TMEM178B: variants seen among roughly 807,000 people sequenced by gnomAD.
The protein encoded by TMEM178B is transmembrane protein 178B.
TMEM178B carries 5 observed loss-of-function variants against 31.0 expected under a neutral mutation model. That is an observed-to-expected ratio of 0.16 (90% confidence interval 0.08 to 0.34). TMEM178B has a LOEUF of 0.34. TMEM178B is among the 10% of genes least tolerant of loss of function. TMEM178B has a pLI of 1.00. For missense variants in TMEM178B, 275 were observed against 400.3 expected, an observed-to-expected ratio of 0.69 and a Z score of 2.67; for synonymous variants, 164 against 164.0, an observed-to-expected ratio of 1.00 and a Z score of 0.00.
chr7:141,413,576 A>C (rs1477217526), intron 2 of TMEM178B, among the ~76,000 whole-genome samples: 4 of 152,206 alleles, frequency 2.6e-5, no homozygotes, highest in African/African-American at 9.6e-5. Context: ...TTTTCCTCTA[A>C]GTCAAGTCTT....
At chr7:141,083,758 T>C (rs1240921644) in intron 1 of TMEM178B, among the ~76,000 whole-genome samples, 1 of 152,114 alleles carries the variant, frequency 6.6e-6, no homozygotes, top group South Asian at 2.1e-4. Context: ...ACTTTAAAAG[T>C]GGTTAAAATG....
chr7:141,445,989 C>T (rs898866456), intron 3 of TMEM178B, among the ~76,000 whole-genome samples: 1 of 152,142 alleles, frequency 6.6e-6, no homozygotes, highest in African/African-American at 2.4e-5. Flanking sequence ...GTGCAGATTT[C>T]AATATTTATT....
At chr7:141,233,190 C>A (rs1797474610) in intron 2 of TMEM178B, among the ~76,000 whole-genome samples, 1 of 152,248 alleles carries the variant, frequency 6.6e-6, no homozygotes, top group Admixed American at 6.5e-5. Context: ...TTATTCACTG[C>A]TGTGCTTGTC....
chr7:141,510,706 A>AAAAAAAAAAG, the TMEM178B span, among the ~76,000 whole-genome samples: 1 of 139,634 alleles, frequency 7.2e-6, no homozygotes, highest in Non-Finnish European at 1.5e-5. Flanking sequence ...AAAAAAAAAA[A>AAAAAAAAAAG]AAAAAAGAAA....
intron 1 of TMEM178B, among the ~76,000 whole-genome samples, chr7:141,089,554 T>A (rs1003072528): frequency 4.6e-5 from 7 of 152,192 alleles, no homozygotes; most frequent in African/African-American, 1.4e-4. Context: ...TAAAGACACA[T>A]GCACACATAT....
chr7:141,225,630 A>G (rs527792978), intron 2 of TMEM178B, among the ~76,000 whole-genome samples: 1 of 152,248 alleles, frequency 6.6e-6, no homozygotes, highest in African/African-American at 2.4e-5. Flanking sequence ...GGAGACTTAC[A>G]TCTTTCTATT....
At chr7:141,440,766 C>T (rs1390673767) in intron 3 of TMEM178B, among the ~76,000 whole-genome samples, 2 of 152,216 alleles carry the variant, frequency 1.3e-5, no homozygotes, top group African/African-American at 4.8e-5. Flanking sequence ...TAAAAGCTGC[C>T]TCTTGCTGAC....
chr7:141,221,393 G>A (rs1031276603), intron 2 of TMEM178B, among the ~76,000 whole-genome samples: 3 of 150,648 alleles, frequency 2.0e-5, no homozygotes, highest in South Asian at 4.2e-4. Context: ...TCTGGGTTAG[G>A]TAAGACATGG....
rs150939461 is a variant in TMEM178B at position 141,178,386 on chromosome 7, G to A, written c.383-34205G>A. 1.9e-3 allele frequency among the ~76,000 whole-genome samples: 286 copies of A among 152,290 alleles called. 2 individuals are homozygous for A. The highest frequency in any genetic ancestry group is 6.6e-3 in the East Asian group (34 of 5,186). On this transcript the variant is annotated intron_variant, in intron 1 of 3. Coordinates refer to ENST00000565468, the MANE Select transcript of TMEM178B (RefSeq NM_001195278.2). ...GAAATTATGCATCTGGGAAGACATA[G>A]AAGCGTTTTAGCACTATCCACTTTA...
intron 2 of TMEM178B, among the ~76,000 whole-genome samples, chr7:141,357,675 A>G (rs561873244): frequency 2.0e-4 from 31 of 152,350 alleles, no homozygotes; most frequent in African/African-American, 7.5e-4. Flanking sequence ...ATTTATATGC[A>G]TCACTACTTC....
the TMEM178B span, among the ~76,000 whole-genome samples, chr7:141,508,303 C>T: frequency 1.3e-5 from 2 of 152,196 alleles, no homozygotes; most frequent in African/African-American, 4.8e-5. Flanking sequence ...CAAGAAGTTC[C>T]TCACTCCATC....
chr7:141,239,151 G>A (rs1178610177), intron 2 of TMEM178B, among the ~76,000 whole-genome samples: 2 of 152,184 alleles, frequency 1.3e-5, no homozygotes, highest in African/African-American at 2.4e-5. Context: ...CTGTGCATGT[G>A]CATGTGTGGG....
chr7:141,150,175 T>C (rs1384613330), intron 1 of TMEM178B, among the ~76,000 whole-genome samples: 2 of 151,984 alleles, frequency 1.3e-5, no homozygotes, highest in East Asian at 3.9e-4. Flanking sequence ...AATTTGAGGG[T>C]CATTAGCATA....
At chr7:141,507,126 C>T in the TMEM178B span, among the ~76,000 whole-genome samples, 2 of 152,162 alleles carry the variant, frequency 1.3e-5, no homozygotes, top group Non-Finnish European at 2.9e-5. Context: ...GTGTCTGCAG[C>T]TTTTCTAGGT....
At chr7:141,226,035 C>T (rs1441090245) in intron 2 of TMEM178B, among the ~76,000 whole-genome samples, 1 of 152,144 alleles carries the variant, frequency 6.6e-6, no homozygotes, top group East Asian at 1.9e-4. Context: ...CTTCCGAAAC[C>T]ACGAGGCTGC....
At chr7:141,397,372 A>T (rs1009464436) in intron 2 of TMEM178B, among the ~76,000 whole-genome samples, 12 of 152,168 alleles carry the variant, frequency 7.9e-5, no homozygotes, top group African/African-American at 2.9e-4. Context: ...CTGTTGGCAA[A>T]TCAGGTCAGG....
chr7:141,420,199 C>T (rs982788425), intron 2 of TMEM178B, among the ~76,000 whole-genome samples: 1 of 152,134 alleles, frequency 6.6e-6, no homozygotes, highest in Non-Finnish European at 1.5e-5. Flanking sequence ...ACTGCCCCCC[C>T]CCACTACATA....
rs187648338 is a variant in TMEM178B at position 141,422,921 on chromosome 7, C to T, written c.497-14687C>T. Among the ~76,000 whole-genome samples, 27 of 152,322 alleles carry T rather than the reference C, an allele frequency of 1.8e-4. No homozygotes were observed. The highest frequency in any genetic ancestry group is 9.2e-4 in the Admixed American group (14 of 15,298). ...GTAGCAAGCTCTACACAAGGTCTCACGCCTCTCTTTAGAACAGTGCTGTCC... is the reference window on the plus strand; with the variant it reads ...GTAGCAAGCTCTACACAAGGTCTCATGCCTCTCTTTAGAACAGTGCTGTCC... On this transcript the variant is annotated intron_variant, in intron 2 of 3. Transcript: ENST00000565468. The surrounding 1 kb of genome is among the most constrained non-coding windows in gnomAD (Gnocchi z 4.2).
chr7:141,464,709 A>G (rs1209389202), intron 3 of TMEM178B, among the ~76,000 whole-genome samples: 1 of 152,158 alleles, frequency 6.6e-6, no homozygotes, highest in East Asian at 1.9e-4. Flanking sequence ...TGTTCTGCAT[A>G]CTAGGGCGCC....
Sources: allele counts gnomAD v4.1 joint callset (sites outside exome capture counted in the v4.1 genomes callset), GRCh38; gene constraint gnomAD v4.1.1; non-coding constraint Gnocchi (gnomAD v3.1); transcripts MANE v1.5; gene names NCBI Gene and HGNC (gene_info 2026-07-23, HGNC 2026-07-21).